NEBL: variants seen among roughly 807,000 people sequenced by gnomAD.
NEBL encodes LIM and SH3 protein 2.
In NEBL, 122 loss-of-function variants were observed where a neutral mutation model predicts 140.2. The ratio of observed to expected loss-of-function variants is 0.87; its 90% CI spans 0.75 to 1.01. The LOEUF (loss-of-function observed/expected upper bound fraction) is 1.01, where lower values mean the gene tolerates loss of function less well. NEBL is among the 50% of genes least tolerant of loss of function. The pLI, the probability that NEBL is intolerant of heterozygous loss-of-function variation, is 0.00. For synonymous variants in NEBL, 436 were observed against 398.9 expected, an observed-to-expected ratio of 1.09 and a Z score of -1.11; for missense variants, 1,365 against 1,231.3, an observed-to-expected ratio of 1.11 and a Z score of -1.62.
chr10:20,995,235 G>A (rs1393704393), intron 3 of NEBL, among the ~76,000 whole-genome samples: 2 of 152,180 alleles, frequency 1.3e-5, no homozygotes, highest in Admixed American at 1.3e-4. Context: ...CAGGAGCCCA[G>A]AGCTGACAGA....
intron 2 of NEBL, among the ~76,000 whole-genome samples, chr10:21,031,093 T>C (rs1833760673): frequency 6.6e-6 from 1 of 152,248 alleles, no homozygotes; most frequent in African/African-American, 2.4e-5. Context: ...ATGGCTGTCT[T>C]CGTGGATGTC....
At chr10:21,042,084 C>T (rs1834294848) in intron 2 of NEBL, among the ~76,000 whole-genome samples, 1 of 152,206 alleles carries the variant, frequency 6.6e-6, no homozygotes, top group African/African-American at 2.4e-5. Flanking sequence ...CCTCCTATCT[C>T]ATCCTGTGAC....
At chr10:20,895,541 C>T (rs1208726062) in intron 2 of NEBL, among the ~76,000 whole-genome samples, 1 of 152,176 alleles carries the variant, frequency 6.6e-6, no homozygotes, top group Non-Finnish European at 1.5e-5. Context: ...CCCTGGCACA[C>T]AATAGTCACT....
intron 2 of NEBL, among the ~76,000 whole-genome samples, chr10:21,092,243 C>A (rs939154532): frequency 6.6e-6 from 1 of 152,178 alleles, no homozygotes; most frequent in Non-Finnish European, 1.5e-5. Flanking sequence ...TTCATTCATT[C>A]ATTCATTGAT....
rs117737226 is a variant in NEBL, at chr10:21,081,371, G to A, written c.165-61170C>T. ...AGGCAGTCAGCCATGGGGATGTGAG[G>A]CTTGTTATGCACAGGAGGGTTGATC... On this transcript the variant is annotated intron_variant, in intron 2 of 6. Coordinates refer to the NEBL transcript ENST00000417816. 7.6e-3 allele frequency among the ~76,000 whole-genome samples: 1,162 copies of A among 152,280 alleles called. 7 individuals carry two copies. Among genetic ancestry groups the A allele is most frequent in the Non-Finnish European group, 0.01 (714 of 68,028 alleles).
intron 2 of NEBL, chr10:21,171,791 A>G (rs1160701038): frequency 6.3e-6 from 1 of 159,262 alleles, no homozygotes; most frequent in Non-Finnish European, 1.4e-5. Flanking sequence ...CACCTACTAC[A>G]GCACTAACCA....
intron 3 of NEBL, among the ~76,000 whole-genome samples, chr10:21,196,158 C>A (rs1164162376): frequency 6.6e-6 from 1 of 150,934 alleles, no homozygotes; most frequent in Non-Finnish European, 1.5e-5. Flanking sequence ...CACGCACCAC[C>A]ATGCCTGGCT....
chr10:20,945,150 C>T (rs972020813), intron 4 of NEBL, among the ~76,000 whole-genome samples: 2 of 152,174 alleles, frequency 1.3e-5, no homozygotes, highest in African/African-American at 4.8e-5. Flanking sequence ...TCCCTACATG[C>T]GAAGTTTTTT....
intron 2 of NEBL, among the ~76,000 whole-genome samples, chr10:21,169,063 AAAAAATATAT>A (rs1330138295): frequency 5.1e-4 from 18 of 35,284 alleles, no homozygotes; most frequent in African/African-American, 1.2e-3. Flanking sequence ...AAAAAAAAAA[AAAAAATATAT>A]ATATATATAT....
chr10:20,835,338 C>G (rs1840765067), intron 14 of NEBL, among the ~76,000 whole-genome samples, 175 bp downstream of exon 14: 1 of 152,110 alleles, frequency 6.6e-6, no homozygotes, highest in Admixed American at 6.6e-5. Flanking sequence ...AGGATATGAG[C>G]AAAGCAAAAA....
intron 26 of NEBL, among the ~76,000 whole-genome samples, chr10:20,794,501 T>C (rs1213701385): frequency 6.6e-6 from 1 of 152,236 alleles, no homozygotes; most frequent in Non-Finnish European, 1.5e-5. Flanking sequence ...GCAAATCTAT[T>C]TATTTTGGTG....
chr10:21,259,268 A>G (rs974583221), intron 1 of NEBL, among the ~76,000 whole-genome samples: 2 of 151,962 alleles, frequency 1.3e-5, no homozygotes. Context: ...TTGTATTTGT[A>G]GTACAGACGG....
chr10:21,206,029 G>A (rs1841819670), intron 3 of NEBL, among the ~76,000 whole-genome samples: 2 of 152,102 alleles, frequency 1.3e-5, no homozygotes, highest in African/African-American at 4.8e-5. Context: ...AATTAATATG[G>A]GAATTCACTC....
chr10:21,061,237 T>A (rs1835264055), intron 2 of NEBL, among the ~76,000 whole-genome samples: 1 of 149,926 alleles, frequency 6.7e-6, no homozygotes, highest in Non-Finnish European at 1.5e-5. Context: ...TTATATATTG[T>A]GATATATTAC....
At chr10:21,176,927 T>C (rs2132199982), upstream of NEBL, among the ~76,000 whole-genome samples, 1 of 152,366 alleles carries the variant, frequency 6.6e-6, no homozygotes, top group Middle Eastern at 3.4e-3. Context: ...ACCTTTATTA[T>C]TCAGGCTACA....
chr10:21,168,225 C>A (rs58019523), intron 2 of NEBL, among the ~76,000 whole-genome samples: 5 of 152,148 alleles, frequency 3.3e-5, no homozygotes, highest in African/African-American at 1.2e-4. Flanking sequence ...TAAAGAATGC[C>A]CTCAGGTAGC....
At chr10:21,292,255 G>A (rs966430184) in intron 1 of NEBL, among the ~76,000 whole-genome samples, 9 of 152,144 alleles carry the variant, frequency 5.9e-5, no homozygotes, top group African/African-American at 1.7e-4. Flanking sequence ...CCAAGATCAC[G>A]TTTTAATTAA....
chr10:20,965,723 T>C (rs945019483), intron 3 of NEBL, among the ~76,000 whole-genome samples: 1 of 152,130 alleles, frequency 6.6e-6, no homozygotes, highest in Non-Finnish European at 1.5e-5. Flanking sequence ...TCCTTGGAAG[T>C]GTGCAGGACA....
At position 21,120,385 on chromosome 10, in the gene NEBL, A is replaced by T. The variant is rs1287181020; in HGVS notation, c.164+51998T>A. On this transcript the variant is annotated intron_variant, in intron 2 of 6. Transcript: ENST00000417816. ...GTGAGACTGTGTCTCAAAAAAAAAAAAAAAATACATATATATATATATATA... is the reference window on the plus strand; with the variant it reads ...GTGAGACTGTGTCTCAAAAAAAAAATAAAAATACATATATATATATATATA... Among the ~76,000 whole-genome samples, 85 of 70,482 alleles carry T rather than the reference A, an allele frequency of 1.2e-3. 1 individual carries two copies. The highest frequency in any genetic ancestry group is 7.7e-3 in the African/African-American group (77 of 10,054). 46.2% of individuals were successfully genotyped at this position (70,482 alleles called of 152,430 possible).
Sources: gnomAD v4.1 joint callset for allele counts (sites outside exome capture counted in the v4.1 genomes callset) on GRCh38, gnomAD v4.1.1 for gene constraint, MANE v1.5 for transcripts, NCBI Gene and HGNC (gene_info 2026-07-23, HGNC 2026-07-21) for gene names.